The following DPYD variants were observed in gnomAD, a reference collection of about 807,000 sequenced individuals.
DPYD encodes the protein dihydropyrimidine dehydrogenase [NADP(+)].
In DPYD, 109 loss-of-function variants were observed where a neutral mutation model predicts 116.2. The observed-to-expected ratio is 0.94, with a 90% confidence interval of 0.80 to 1.10. The LOEUF is 1.10. DPYD is among the 50% of genes least tolerant of loss of function. The probability of loss-of-function intolerance (pLI) is 0.00; values close to 1 mark genes in which losing one functional copy is unlikely to be tolerated. For synonymous variants in DPYD, 440 were observed against 432.0 expected (o/e 1.02, Z -0.23); for missense variants, 1,302 against 1,254.5 (o/e 1.04, Z -0.57).
chr1:97,451,679 A>C (rs1452106568), intron 13 of DPYD, among the ~76,000 whole-genome samples: 1 of 152,140 alleles, frequency 6.6e-6, no homozygotes, highest in Admixed American at 6.5e-5. Context: ...CCATCTTGGC[A>C]AACGCTTAAA....
chr1:97,366,944 A>G (rs1178245738), intron 16 of DPYD, among the ~76,000 whole-genome samples: 1 of 152,106 alleles, frequency 6.6e-6, no homozygotes, highest in East Asian at 1.9e-4. Context: ...AAATACTATG[A>G]CTTTTCAGCT....
intron 20 of DPYD, among the ~76,000 whole-genome samples, chr1:97,144,859 C>T (rs751481286): frequency 6.6e-5 from 10 of 152,170 alleles, no homozygotes; most frequent in Non-Finnish European, 1.0e-4. Context: ...CTTTCTTATG[C>T]ACACAGAACT....
At chr1:97,228,243 T>G (rs1250807958) in intron 19 of DPYD, among the ~76,000 whole-genome samples, 1 of 151,968 alleles carries the variant, frequency 6.6e-6, no homozygotes, top group African/African-American at 2.4e-5. Flanking sequence ...AATGAATGAA[T>G]GAATTATTCT....
chr1:97,133,998 CAAAA>C lies in DPYD; in HGVS notation c.2623-35370_2623-35367del, dbSNP rs1208967697. ...TGGGTCACAGAGCCAGACTCTGTTT[CAAAA>C]AAAAAAAAAAAAATATATATATATA... On this transcript the variant is annotated intron_variant, in intron 20 of 22. Transcript: ENST00000370192. 2.0e-3 allele frequency among the ~76,000 whole-genome samples: 35 copies of C among 17,234 alleles called. 4 individuals carry two copies. The highest frequency in any genetic ancestry group is 4.4e-3 in the East Asian group (2 of 456). 11.3% of individuals were successfully genotyped at this position (17,234 alleles called of 152,430 possible).
In DPYD at chr1:97,740,484, G is replaced by A. The variant is rs1323295715; in HGVS notation, c.234-5C>T. 1.2e-6 allele frequency: 2 copies of A among 1,610,104 alleles called. No individual in the cohort carries two copies. The highest frequency in any genetic ancestry group is 2.2e-5 in the South Asian group (2 of 91,002). On this transcript the variant is annotated splice_polypyrimidine_tract_variant and splice_region_variant and intron_variant, in intron 3 of 22. Transcript: ENST00000370192. ...GCATCTGCACATTTCAGGCATCTAG[G>A]AAATAAAATAACTATGTTAAGAAAC...
intron 16 of DPYD, among the ~76,000 whole-genome samples, chr1:97,331,175 G>A (rs866721678): frequency 7.9e-5 from 12 of 151,990 alleles, no homozygotes; most frequent in South Asian, 2.1e-4. Flanking sequence ...CAAATTTTTT[G>A]CAAACCTATA....
chr1:97,708,594 T>G (rs984496368), intron 5 of DPYD, among the ~76,000 whole-genome samples: 1 of 152,042 alleles, frequency 6.6e-6, no homozygotes, highest in African/African-American at 2.4e-5. Context: ...GTCCTCCAAC[T>G]TTGTTGTTCT....
chr1:97,884,069 T>C lies in DPYD; in HGVS notation c.40-695A>G, dbSNP rs1571527480. ...ATCATTATATCAATGTATATCATTATACATTGACAAAAAGCTAAAATATAT... is the reference window on the plus strand; with the variant it reads ...ATCATTATATCAATGTATATCATTACACATTGACAAAAAGCTAAAATATAT... On this transcript the variant is annotated intron_variant, in intron 1 of 22. Coordinates refer to ENST00000370192, the MANE Select transcript of DPYD (RefSeq NM_000110.4). Among the ~76,000 whole-genome samples, 3 of 152,142 alleles carry C rather than the reference T, an allele frequency of 2.0e-5. 1 individual carries two copies. The highest frequency in any genetic ancestry group is 2.0e-4 in the Admixed American group (3 of 15,268).
intron 8 of DPYD, among the ~76,000 whole-genome samples, chr1:97,641,866 A>C (rs1372781957): frequency 6.6e-6 from 1 of 152,224 alleles, no homozygotes; most frequent in Non-Finnish European, 1.5e-5. Flanking sequence ...GTCTCAGCCC[A>C]AAATCTCCTT....
intron 11 of DPYD, among the ~76,000 whole-genome samples, chr1:97,550,783 G>C (rs1221742556): frequency 6.6e-6 from 1 of 152,168 alleles, no homozygotes; most frequent in Non-Finnish European, 1.5e-5. Context: ...AGAAAAGTTA[G>C]TTGTTGAATT....
At chr1:97,273,177 A>C (rs1428528927) in intron 18 of DPYD, among the ~76,000 whole-genome samples, 2 of 152,158 alleles carry the variant, frequency 1.3e-5, no homozygotes, top group East Asian at 3.9e-4. Context: ...TTCAAAATTA[A>C]ATGTGTTTTA....
intron 20 of DPYD, among the ~76,000 whole-genome samples, chr1:97,176,310 C>T (rs1657253124): frequency 6.6e-6 from 1 of 152,184 alleles, no homozygotes. Flanking sequence ...GTGTAGCCTC[C>T]TGCATTCTGC....
intron 2 of DPYD, among the ~76,000 whole-genome samples, chr1:97,861,069 C>G (rs1002749087): frequency 6.6e-6 from 1 of 151,844 alleles, no homozygotes; most frequent in Admixed American, 6.6e-5. Context: ...ACGTTACAGA[C>G]AGAAAGACAA....
At chr1:97,400,209 T>C (rs963852830) in intron 14 of DPYD, among the ~76,000 whole-genome samples, 4 of 152,202 alleles carry the variant, frequency 2.6e-5, no homozygotes, top group African/African-American at 7.2e-5. Context: ...GAGATAATCA[T>C]GTGGTTTTTG....
chr1:97,686,254 G>A (rs1478697602), intron 7 of DPYD, among the ~76,000 whole-genome samples: 2 of 152,264 alleles, frequency 1.3e-5, no homozygotes, highest in East Asian at 3.9e-4. Context: ...AATAAATGGT[G>A]CTGGGAAAGC....
At chr1:97,217,600 C>T (rs565349360) in intron 19 of DPYD, among the ~76,000 whole-genome samples, 1 of 151,006 alleles carries the variant, frequency 6.6e-6, no homozygotes, top group East Asian at 1.9e-4. Context: ...AAATTGTTTG[C>T]TTATTTTTTA....
chr1:97,704,685 C>T (rs1661805038), intron 5 of DPYD, among the ~76,000 whole-genome samples: 2 of 151,840 alleles, frequency 1.3e-5, no homozygotes, highest in African/African-American at 2.4e-5. Flanking sequence ...GAATATAGTT[C>T]CCTATTGTTT....
chr1:97,628,959 C>G (rs1226912089), intron 8 of DPYD, among the ~76,000 whole-genome samples: 5 of 151,910 alleles, frequency 3.3e-5, no homozygotes, highest in Admixed American at 6.6e-5. Context: ...AATAAAAGAA[C>G]CCAGACTCAT....
chr1:97,245,609 G>A (rs556310006), intron 18 of DPYD, among the ~76,000 whole-genome samples: 2 of 152,066 alleles, frequency 1.3e-5, no homozygotes, highest in Non-Finnish European at 2.9e-5. Flanking sequence ...TATTTGAGTA[G>A]GAGAAGGAGG....
Sources: allele counts gnomAD v4.1 joint callset (sites outside exome capture counted in the v4.1 genomes callset), GRCh38; gene constraint gnomAD v4.1.1; transcripts MANE v1.5; gene names NCBI Gene and HGNC (gene_info 2026-07-23, HGNC 2026-07-21).